Variants in MACIR observed in about 807,000 individuals in gnomAD.
MACIR encodes the protein UNC119-binding protein C5orf30.
In MACIR, 4 loss-of-function variants were observed where a neutral mutation model predicts 14.3. The ratio of observed to expected loss-of-function variants is 0.28; its 90% CI spans 0.14 to 0.64. MACIR has a LOEUF of 0.64. MACIR is among the 30% of genes least tolerant of loss of function. The pLI, the probability that MACIR is intolerant of heterozygous loss-of-function variation, is 0.83. For missense variants in MACIR, 228 were observed against 257.6 expected (o/e 0.89, Z 0.79); for synonymous variants, 101 against 102.4 (o/e 0.99, Z 0.08).
intron 1 of MACIR, among the ~76,000 whole-genome samples, chr5:103,261,713 T>TC (rs1804735290): frequency 1.4e-5 from 2 of 145,734 alleles, no homozygotes; most frequent in African/African-American, 5.2e-5. Context: ...TTCCTTTCTT[T>TC]CTTTCTTTCT....
intron 2 of MACIR, among the ~76,000 whole-genome samples, chr5:103,267,175 G>C (rs2149926432): frequency 6.6e-6 from 1 of 152,168 alleles, no homozygotes; most frequent in Middle Eastern, 3.4e-3. Flanking sequence ...ATTGGTTCCA[G>C]GACTTCCCCC....
intron 1 of MACIR, among the ~76,000 whole-genome samples, chr5:103,260,762 G>A (rs1804653642): frequency 6.6e-6 from 1 of 152,136 alleles, no homozygotes; most frequent in Non-Finnish European, 1.5e-5. Flanking sequence ...AAAGCTTTAT[G>A]TACAGGGTTT....
chr5:103,275,810 C>G, intron 2 of MACIR, 87 bp from the exon 3 acceptor site: 1 of 1,114,758 alleles, frequency 9.0e-7, no homozygotes, highest in African/African-American at 1.6e-5. Context: ...AGTGTTACTT[C>G]ATGCTCCCTG....
At chr5:103,268,658 C>T (rs571123869) in intron 2 of MACIR, among the ~76,000 whole-genome samples, 2 of 152,312 alleles carry the variant, frequency 1.3e-5, no homozygotes, top group South Asian at 4.1e-4. Context: ...GGCTACACCC[C>T]AGATCAGTTA....
chr5:103,278,207 A>G lies in MACIR; in HGVS notation c.*1667A>G, dbSNP rs936284268. The G allele has an allele frequency of 6.0e-6, 1 of 167,022 alleles. No individual in the cohort carries two copies. Among genetic ancestry groups the G allele is most frequent in the Non-Finnish European group, 1.5e-5 (1 of 68,086 alleles). 10.3% of individuals were successfully genotyped at this position (167,022 alleles called of 1,614,324 possible). A position where few individuals can be genotyped will look rare whatever the true frequency, so the allele number is the denominator to read the frequency against. On this transcript the variant is annotated 3_prime_UTR_variant, in exon 3 of 3. Coordinates refer to ENST00000319933, the MANE Select transcript of MACIR (RefSeq NM_033211.4). ...ATTGTATTGACGAATGATCACTAAG[A>G]TTAGCTATATCTATACAGTCATTAG...
chr5:103,272,549 A>G (rs2149931933), intron 2 of MACIR, among the ~76,000 whole-genome samples: 1 of 152,342 alleles, frequency 6.6e-6, no homozygotes, highest in South Asian at 2.1e-4. Flanking sequence ...ATGTAGTAGC[A>G]TAAGAAGTTT....
chr5:103,261,548 A>AT (rs1334102058), intron 1 of MACIR, among the ~76,000 whole-genome samples: 4 of 152,156 alleles, frequency 2.6e-5, no homozygotes, highest in Admixed American at 6.5e-5. Flanking sequence ...TTTTGAAAGA[A>AT]TTTTTAAAAA....
intron 1 of MACIR, among the ~76,000 whole-genome samples, chr5:103,261,709 T>TCTTTTCTTTCTTTCTTTCTTTCTTC (rs1804732337): frequency 5.8e-5 from 6 of 102,974 alleles, no homozygotes; most frequent in Non-Finnish European, 1.3e-4. Context: ...TTTCTTCCTT[T>TCTTTTCTTTCTTTCTTTCTTTCTTC]CTTTCTTTCT....
chr5:103,262,774 T>G (rs1804774765), intron 1 of MACIR, among the ~76,000 whole-genome samples: 1 of 152,196 alleles, frequency 6.6e-6, no homozygotes, highest in Non-Finnish European at 1.5e-5. Flanking sequence ...CTGGAAGCAT[T>G]TATTATATCT....
intron 2 of MACIR, among the ~76,000 whole-genome samples, chr5:103,273,569 G>A (rs1243154625): frequency 6.6e-6 from 1 of 152,032 alleles, no homozygotes; most frequent in Non-Finnish European, 1.5e-5. Flanking sequence ...AACCCCCAAG[G>A]ATTCTCAGAA....
intron 2 of MACIR, among the ~76,000 whole-genome samples, chr5:103,273,397 T>G (rs1159197206): frequency 6.6e-6 from 1 of 152,172 alleles, no homozygotes; most frequent in East Asian, 1.9e-4. Context: ...AACTGATGAG[T>G]TACTTGTCTA....
intron 1 of MACIR, among the ~76,000 whole-genome samples, chr5:103,260,991 C>G (rs1044918039): frequency 6.6e-6 from 1 of 152,310 alleles, no homozygotes; most frequent in Middle Eastern, 3.4e-3. Context: ...TTTAGTTCCA[C>G]TTACTGTCGG....
intron 2 of MACIR, among the ~76,000 whole-genome samples, chr5:103,274,408 ATTACT>A (rs1490646991): frequency 5.3e-5 from 8 of 151,322 alleles, no homozygotes; most frequent in Middle Eastern, 3.4e-3. Flanking sequence ...AATAAAGCTG[ATTACT>A]TTAAATCTAA....
Position 103,276,139 on chromosome 5 carries a change from G to A in MACIR, c.220G>A (p.Ala74Thr). Residue 74 changes from alanine to threonine, a missense_variant, in exon 3 of 3, where the codon GCT becomes ACT. Coordinates refer to ENST00000319933, the MANE Select transcript of MACIR (RefSeq NM_033211.4). ...FTTGEELLKL[A>T]QKCTGGEESK... is the part of the protein sequence containing the mutation. Reference sequence around the variant, plus strand: ...GACTGGCGAGGAACTCCTGAAGTTAGCTCAGAAGTGCACAGGAGGTGAAGA... The same window carrying A: ...GACTGGCGAGGAACTCCTGAAGTTAACTCAGAAGTGCACAGGAGGTGAAGA... 1 of 1,613,990 alleles carries A rather than the reference G, an allele frequency of 6.2e-7. No individual in the cohort carries two copies. The highest frequency in any genetic ancestry group is 1.1e-5 in the South Asian group (1 of 91,066).
At chr5:103,261,678 C>CTTTCTTTCTTTCTTTCTTTCT (rs1804715050) in intron 1 of MACIR, among the ~76,000 whole-genome samples, 1 of 125,222 alleles carries the variant, frequency 8.0e-6, no homozygotes, top group Admixed American at 7.9e-5. Context: ...TTCTTTCTTT[C>CTTTCTTTCTTTCTTTCTTTCT]TTTCTTTCTT....
At chr5:103,268,926 C>T (rs1805025319) in intron 2 of MACIR, among the ~76,000 whole-genome samples, 2 of 152,080 alleles carry the variant, frequency 1.3e-5, no homozygotes. Flanking sequence ...GGCATTAAAA[C>T]TATACCACTC....
chr5:103,268,500 A>G (rs1805007631), intron 2 of MACIR, among the ~76,000 whole-genome samples: 1 of 152,224 alleles, frequency 6.6e-6, no homozygotes, highest in Non-Finnish European at 1.5e-5. Flanking sequence ...ATGTTCACCA[A>G]CATGACTATA....
intron 2 of MACIR, among the ~76,000 whole-genome samples, chr5:103,270,420 A>G (rs1554237034): frequency 2.0e-5 from 3 of 152,196 alleles, no homozygotes; most frequent in African/African-American, 7.2e-5. Context: ...AGGATATACC[A>G]AAATATTAAT....
At chr5:103,263,231 TTCC>T (rs112960439) in intron 1 of MACIR, among the ~76,000 whole-genome samples, 1 of 104,872 alleles carries the variant, frequency 9.5e-6, no homozygotes, top group Non-Finnish European at 2.4e-5. Flanking sequence ...CCTCCTGCTC[TTCC>T]TCCTCCTCCT....
Sources: allele counts gnomAD v4.1 joint callset (sites outside exome capture counted in the v4.1 genomes callset), GRCh38; gene constraint gnomAD v4.1.1; transcripts MANE v1.5; gene names NCBI Gene and HGNC (gene_info 2026-07-23, HGNC 2026-07-21).